Variants in ZMYND8 observed in about 807,000 individuals in gnomAD.
ZMYND8 encodes the protein MYND-type zinc finger-containing chromatin reader ZMYND8.
Under a neutral mutation model 140.8 loss-of-function variants are expected in ZMYND8, and 37 were observed. The observed-to-expected ratio is 0.26, with a 90% confidence interval of 0.20 to 0.35. ZMYND8 has a LOEUF of 0.35. Ranked by LOEUF, ZMYND8 falls within the 10% of genes least tolerant of loss-of-function variation. The pLI is 1.00. For synonymous variants in ZMYND8, 592 were observed against 597.1 expected (o/e 0.99, Z 0.12); for missense variants, 1,068 against 1,570.0 (o/e 0.68, Z 5.40).
chr20:47,355,519 G>T, intron 1 of ZMYND8: 1 of 985,258 alleles, frequency 1.0e-6, no homozygotes, highest in Non-Finnish European at 1.2e-6. Flanking sequence ...GCAGATTTGG[G>T]ACTTGATCAA....
chr20:47,215,994 C>T (rs2036035952), intron 21 of ZMYND8, among the ~76,000 whole-genome samples: 2 of 152,128 alleles, frequency 1.3e-5, no homozygotes, highest in Admixed American at 1.3e-4. Context: ...AATCTGGCTA[C>T]AACAAAGGAT....
At position 47,350,243 on chromosome 20, in the gene ZMYND8, C is replaced by T. The variant is rs564171185; in HGVS notation, c.15-2317G>A. On this transcript the variant is annotated intron_variant, in intron 1 of 22. Transcript: ENST00000471951. ...GCAAACCATCCTTTCAAAAGGAACC[C>T]GTGCACACACATGCACGCACACTCA... is the stretch of plus-strand genomic sequence containing the variant. Among the ~76,000 whole-genome samples the T allele has an allele frequency of 4.6e-5, 7 of 150,708 alleles. No individual in the cohort carries two copies. The East Asian group carries it at 1.2e-3, about 25-fold the overall frequency.
chr20:47,290,591 T>G (rs925452351), intron 6 of ZMYND8, among the ~76,000 whole-genome samples: 141 of 142,832 alleles, frequency 9.9e-4, no homozygotes, highest in Non-Finnish European at 1.7e-3. Flanking sequence ...TAGTTTTTTT[T>G]TTTTTTTTTT....
At position 47,324,473 on chromosome 20, in the gene ZMYND8, C is replaced by T. The variant is rs1054153442; in HGVS notation, c.86-14269G>A. Among the ~76,000 whole-genome samples, 4 of 152,114 alleles carry T rather than the reference C, an allele frequency of 2.6e-5. No individual in the cohort carries two copies. In the East Asian group the frequency reaches 7.7e-4, roughly 29 times the overall value. ...GGCGGAGGCTGTAGTGAGCCGAGAT[C>T]GAGCCACTGCACTCCAGCCTGGGCA... On this transcript the variant is annotated intron_variant, in intron 2 of 22. Coordinates refer to ENST00000471951, the MANE Select transcript of ZMYND8 (RefSeq NM_001281775.3).
At chr20:47,242,794 G>A (rs1312753192) in intron 14 of ZMYND8, among the ~76,000 whole-genome samples, 1 of 152,148 alleles carries the variant, frequency 6.6e-6, no homozygotes, top group African/African-American at 2.4e-5. Context: ...TAAATTTCCA[G>A]GAATCCTGAT....
At chr20:47,233,095 C>T (rs879628679) in intron 16 of ZMYND8, among the ~76,000 whole-genome samples, 2 of 151,678 alleles carry the variant, frequency 1.3e-5, no homozygotes, top group East Asian at 3.9e-4. Flanking sequence ...TTAGTAGAGA[C>T]GGGGTTCTGC....
At chr20:47,250,868 A>C (rs1009903742) in intron 12 of ZMYND8, among the ~76,000 whole-genome samples, 16 of 152,236 alleles carry the variant, frequency 1.1e-4, no homozygotes, top group African/African-American at 3.6e-4. Flanking sequence ...AAGATTAGAA[A>C]GAGGTCTTTT....
intron 2 of ZMYND8, among the ~76,000 whole-genome samples, chr20:47,330,944 T>C (rs146470710): frequency 2.6e-3 from 394 of 152,126 alleles, no homozygotes; most frequent in Non-Finnish European, 4.2e-3. Context: ...AGCCTTAAAA[T>C]TGATGGGGAG....
At chr20:47,237,261 CTCCT>C (rs1022452029) in intron 15 of ZMYND8, 5 of 151,904 alleles carry the variant, frequency 3.3e-5, no homozygotes, top group African/African-American at 1.2e-4. Context: ...TCATGCCTCC[CTCCT>C]GAGTAGCCAG....
chr20:47,285,785 T>C (rs953793216), intron 8 of ZMYND8: 8 of 984,806 alleles, frequency 8.1e-6, no homozygotes, highest in Non-Finnish European at 9.6e-6. Flanking sequence ...TGTAATACTA[T>C]ACAGCCATGA....
intron 11 of ZMYND8, among the ~76,000 whole-genome samples, chr20:47,273,303 C>T (rs1054935420): frequency 1.3e-5 from 2 of 152,018 alleles, no homozygotes; most frequent in Admixed American, 6.6e-5. Flanking sequence ...CTGGACACCT[C>T]GGGAGACTGA....
intron 2 of ZMYND8, chr20:47,320,025 G>C (rs1193050956): frequency 6.6e-6 from 1 of 152,176 alleles, no homozygotes; most frequent in Non-Finnish European, 1.5e-5. Context: ...ACACCCGTTG[G>C]CACTATTTAT....
intron 19 of ZMYND8, among the ~76,000 whole-genome samples, chr20:47,223,820 C>CT (rs1214761074): frequency 6.8e-6 from 1 of 147,564 alleles, no homozygotes. Flanking sequence ...GAGCGAAACT[C>CT]TGTCTCAAAA....
intron 1 of ZMYND8, chr20:47,356,343 AAAAG>A (rs1212609277): frequency 2.1e-6 from 3 of 1,460,756 alleles, no homozygotes; most frequent in Non-Finnish European, 2.7e-6. Flanking sequence ...GAAAAAAAAA[AAAAG>A]AAGGAAAAAA....
chr20:47,245,181 C>T (rs1241062981), intron 14 of ZMYND8, among the ~76,000 whole-genome samples: 2 of 152,160 alleles, frequency 1.3e-5, no homozygotes, highest in Non-Finnish European at 2.9e-5. Context: ...AGAAAATACA[C>T]TTGGAGATGC....
rs979526841 is a variant in ZMYND8, at chr20:47,209,921, G to T, written c.*840C>A. On this transcript the variant is annotated 3_prime_UTR_variant, in exon 23 of 23. Coordinates refer to ENST00000471951, the MANE Select transcript of ZMYND8 (RefSeq NM_001281775.3). ...GCACAGCATCTCTGACCAAGTGTGTGTGAGTGTGTTTAAAGGAACCACAAA... is the reference window on the plus strand; with the variant it reads ...GCACAGCATCTCTGACCAAGTGTGTTTGAGTGTGTTTAAAGGAACCACAAA... 8 of 152,666 alleles carry T rather than the reference G, an allele frequency of 5.2e-5. No individual in the cohort carries two copies. The highest frequency in any genetic ancestry group is 2.6e-4 in the Admixed American group (4 of 15,288). The allele number at this position is 152,666 out of a possible 1,614,324, so 9.5% of individuals were successfully genotyped here. A position where few individuals can be genotyped will look rare whatever the true frequency, so the allele number is the denominator to read the frequency against.
intron 19 of ZMYND8, 119 bp downstream of exon 19, chr20:47,224,198 G>C: frequency 6.7e-7 from 1 of 1,486,308 alleles, no homozygotes; most frequent in Non-Finnish European, 9.0e-7. Flanking sequence ...TTGAGTGAAA[G>C]TGTCCAGAAG....
At chr20:47,329,481 C>T (rs554891670) in intron 2 of ZMYND8, among the ~76,000 whole-genome samples, 31 of 152,158 alleles carry the variant, frequency 2.0e-4, no homozygotes, top group Admixed American at 1.8e-3. Context: ...CTCAGCTCAC[C>T]GCAACCTCCT....
intron 2 of ZMYND8, among the ~76,000 whole-genome samples, chr20:47,322,442 T>C (rs934413578): frequency 6.7e-6 from 1 of 150,112 alleles, no homozygotes; most frequent in East Asian, 2.0e-4. Flanking sequence ...GCATTTCTTT[T>C]TTTTTTTTTT....
Sources: gnomAD v4.1 joint callset for allele counts (sites outside exome capture counted in the v4.1 genomes callset) on GRCh38, gnomAD v4.1.1 for gene constraint, MANE v1.5 for transcripts, NCBI Gene and HGNC (gene_info 2026-07-23, HGNC 2026-07-21) for gene names.